MEGF11: variants seen among roughly 807,000 people sequenced by gnomAD.
MEGF11 encodes the protein multiple EGF like domains 11.
A neutral mutation model predicts 146.6 loss-of-function variants in MEGF11; 126 were observed. The ratio of observed to expected loss-of-function variants is 0.86; its 90% confidence interval spans 0.74 to 1.00. The LOEUF is 1.00. Ranked by LOEUF, MEGF11 falls within the 50% of genes least tolerant of loss-of-function variation. The pLI, the probability that MEGF11 is intolerant of heterozygous loss-of-function variation, is 0.00. For missense variants in MEGF11, 1,509 were observed against 1,521.2 expected (o/e 0.99, Z 0.13); for synonymous variants, 532 against 583.4 (o/e 0.91, Z 1.27).
chr15:66,235,981 G>A (rs12442223), intron 1 of MEGF11, among the ~76,000 whole-genome samples: 69,609 of 151,962 alleles, frequency 0.46, 16,884 homozygotes, highest in East Asian at 0.68. Context: ...AGTGTTGAGT[G>A]TATTTGACTA....
At chr15:65,901,187 C>G (rs2078486645) in intron 24 of MEGF11, among the ~76,000 whole-genome samples, 1 of 152,104 alleles carries the variant, frequency 6.6e-6, no homozygotes, top group Non-Finnish European at 1.5e-5. Context: ...TCCAAGAACC[C>G]CAGCATGGCC....
At chr15:66,009,786 G>A (rs530077905) in intron 5 of MEGF11, among the ~76,000 whole-genome samples, 5 of 152,068 alleles carry the variant, frequency 3.3e-5, no homozygotes, top group African/African-American at 1.2e-4. Flanking sequence ...AGTAGAGGCG[G>A]GGTTTCATCG....
At chr15:66,108,248 C>T (rs748908197) in intron 4 of MEGF11, among the ~76,000 whole-genome samples, 5 of 152,112 alleles carry the variant, frequency 3.3e-5, no homozygotes, top group East Asian at 1.9e-4. Flanking sequence ...CAGCCCTGGA[C>T]GGAGAGGAAG....
intron 4 of MEGF11, among the ~76,000 whole-genome samples, chr15:66,096,731 G>A (rs1007272878): frequency 1.7e-4 from 26 of 152,092 alleles, no homozygotes; most frequent in Admixed American, 1.4e-3. Flanking sequence ...ATTTGAGAAG[G>A]AAGACCACCC....
chr15:65,954,351 G>C (rs1008459450), intron 10 of MEGF11, among the ~76,000 whole-genome samples: 1 of 152,214 alleles, frequency 6.6e-6, no homozygotes, highest in African/African-American at 2.4e-5. Context: ...ACTTTGACCA[G>C]AACTGGCTGA....
chr15:66,002,546 A>C (rs1206029927), intron 5 of MEGF11, among the ~76,000 whole-genome samples: 1 of 152,266 alleles, frequency 6.6e-6, no homozygotes, highest in Non-Finnish European at 1.5e-5. Flanking sequence ...GACCTGGGTC[A>C]AGTCCTGCTT....
intron 5 of MEGF11, among the ~76,000 whole-genome samples, chr15:66,089,039 C>A (rs1028064060): frequency 3.3e-5 from 5 of 152,218 alleles, no homozygotes; most frequent in African/African-American, 1.2e-4. Flanking sequence ...GAATTTGTAG[C>A]CAACACTTAG....
rs1352579319 is a variant in MEGF11 at position 65,922,910 on chromosome 15, A to G, written c.1735T>C (p.Cys579Arg). The change falls in exon 14 of 26, where the codon TGC becomes CGC. Residue 579 changes from cysteine (C) to arginine (R), a missense_variant. Coordinates refer to ENST00000395614, the MANE Select transcript of MEGF11 (RefSeq NM_001385028.1). ...CAGGAGCCTCCATTCTCACAGCTGC[A>G]GGAGACAGAGCAGTTGGGGCCCCAG... ...GRWGPNCSVS[C>R]SCENGGSCSP... 3 of 1,613,288 alleles carry G rather than the reference A, an allele frequency of 1.9e-6. No homozygotes were observed. The highest frequency in any genetic ancestry group is 2.2e-5 in the South Asian group (2 of 91,000).
Position 65,909,065 on chromosome 15 carries a change from G to T in MEGF11, c.2967C>A (p.His989Gln), listed in dbSNP as rs1479864787. 6 of 1,535,592 alleles carry T rather than the reference G, an allele frequency of 3.9e-6. No homozygotes were observed. The Admixed American group carries it at 1.2e-4, about 30-fold the overall frequency. Residue 989 changes from histidine (H) to glutamine (Q), a missense_variant, in exon 23 of 26, where the codon CAC (histidine) becomes CAA (glutamine). Physicochemically the swap from His to Gln is conservative, Grantham distance 24 (BLOSUM62 0). Coordinates refer to ENST00000395614, the MANE Select transcript of MEGF11 (RefSeq NM_001385028.1). ...PPEDFYIELR[H>Q]LSRPAEPHSP... ...AGTGTGGCTCAGCGGGGCGGCTGAG[G>T]TGTCTAAGTTCAATGTAGAAGTCCT...
chr15:65,942,125 G>A (rs1164596818), intron 10 of MEGF11, among the ~76,000 whole-genome samples: 1 of 152,168 alleles, frequency 6.6e-6, no homozygotes, highest in African/African-American at 2.4e-5. Context: ...TCACAGCATG[G>A]GAAAGGGAAG....
At chr15:65,917,768 T>C (rs915093217) in intron 16 of MEGF11, among the ~76,000 whole-genome samples, 198 bp downstream of exon 16, 1 of 152,232 alleles carries the variant, frequency 6.6e-6, no homozygotes, top group African/African-American at 2.4e-5. Flanking sequence ...GTACCTTTGA[T>C]ACCAGCAGTT....
At chr15:65,956,719 A>T (rs2080652605) in intron 10 of MEGF11, among the ~76,000 whole-genome samples, 1 of 152,238 alleles carries the variant, frequency 6.6e-6, no homozygotes, top group Non-Finnish European at 1.5e-5. Context: ...CAAACCTCAT[A>T]AAGACCAGCA....
intron 1 of MEGF11, among the ~76,000 whole-genome samples, chr15:66,157,603 G>A (rs971638353): frequency 6.6e-6 from 1 of 152,192 alleles, no homozygotes; most frequent in Admixed American, 6.5e-5. Flanking sequence ...CTGCACTAAT[G>A]TCATTAAGAG....
At chr15:65,955,967 G>A (rs1485577903) in intron 10 of MEGF11, among the ~76,000 whole-genome samples, 2 of 151,236 alleles carry the variant, frequency 1.3e-5, no homozygotes, top group East Asian at 3.9e-4. Flanking sequence ...ACAATGTTTT[G>A]TTCTGGGCCT....
Position 66,152,756 on chromosome 15 carries a change from C to T in MEGF11, c.-8-24345G>A, listed in dbSNP as rs1376425806. On this transcript the variant is annotated intron_variant, in intron 1 of 25. Transcript: ENST00000395614. ...GTCCTCCCACTGTGGCCTGTGGATGCACATGGCCGGATGGCAGTGGGTGGC... is the reference window on the plus strand; with the variant it reads ...GTCCTCCCACTGTGGCCTGTGGATGTACATGGCCGGATGGCAGTGGGTGGC... Among the ~76,000 whole-genome samples, 3 of 152,350 alleles carry T rather than the reference C, an allele frequency of 2.0e-5. No individual in the cohort carries two copies. The East Asian group carries it at 5.8e-4, about 29-fold the overall frequency.
At chr15:66,207,990 C>T (rs1371757864) in intron 1 of MEGF11, among the ~76,000 whole-genome samples, 1 of 151,000 alleles carries the variant, frequency 6.6e-6, no homozygotes, top group Non-Finnish European at 1.5e-5. Flanking sequence ...GAGGCTGAGG[C>T]AGAAGAATTG....
chr15:66,143,279 C>T (rs1354214024), intron 1 of MEGF11, among the ~76,000 whole-genome samples: 2 of 152,244 alleles, frequency 1.3e-5, no homozygotes, highest in African/African-American at 4.8e-5. Context: ...ACTCATCCCA[C>T]TCCACCATGC....
chr15:66,040,865 A>T (rs2083941348), intron 5 of MEGF11, among the ~76,000 whole-genome samples: 1 of 151,604 alleles, frequency 6.6e-6, no homozygotes, highest in Middle Eastern at 3.2e-3. Context: ...GCTGAAATCT[A>T]GTCCTCAACT....
intron 5 of MEGF11, among the ~76,000 whole-genome samples, chr15:66,083,463 T>C (rs2085979911): frequency 6.6e-6 from 1 of 152,162 alleles, no homozygotes; most frequent in African/African-American, 2.4e-5. Context: ...ATGGAATCTT[T>C]ATAAAAAATT....
Sources: gnomAD v4.1 joint callset for allele counts (sites outside exome capture counted in the v4.1 genomes callset) on GRCh38, gnomAD v4.1.1 for gene constraint, MANE v1.5 for transcripts, NCBI Gene and HGNC (gene_info 2026-07-23, HGNC 2026-07-21) for gene names.